KMT2C: variants seen among roughly 807,000 people sequenced by gnomAD.
KMT2C encodes the protein histone-lysine N-methyltransferase 2C.
KMT2C carries 88 observed loss-of-function variants against 507.9 expected under a neutral mutation model. That is an observed-to-expected ratio of 0.17 (90% CI 0.15 to 0.21). The LOEUF is 0.21. Among genes scored for constraint, KMT2C ranks in the 10% least tolerant of loss-of-function variants. The pLI is 1.00. For synonymous variants in KMT2C, 2,049 were observed against 2,080.8 expected, an observed-to-expected ratio of 0.98 and a Z score of 0.42; for missense variants, 4,954 against 5,957.8, an observed-to-expected ratio of 0.83 and a Z score of 5.55.
chr7:152,367,922 A>C (rs2097260584), intron 1 of KMT2C: 1 of 1,015,978 alleles, frequency 9.8e-7, no homozygotes, highest in Non-Finnish European at 1.6e-6. Flanking sequence ...TTATCATCCA[A>C]CTTATTGCCA....
intron 1 of KMT2C, among the ~76,000 whole-genome samples, chr7:152,360,671 T>C (rs896165503): frequency 6.6e-6 from 1 of 150,778 alleles, no homozygotes; most frequent in African/African-American, 2.4e-5. Context: ...CCGTCACTAC[T>C]AAAAAAAATA....
intron 1 of KMT2C, among the ~76,000 whole-genome samples, chr7:152,431,471 C>T (rs2097861836): frequency 6.6e-6 from 1 of 151,890 alleles, no homozygotes; most frequent in African/African-American, 2.4e-5. Context: ...GTAGTACGTG[C>T]CTGCAGTCCC....
At chr7:152,398,240 G>A (rs6951817) in intron 1 of KMT2C, among the ~76,000 whole-genome samples, 1 of 152,090 alleles carries the variant, frequency 6.6e-6, no homozygotes, top group Non-Finnish European at 1.5e-5. Flanking sequence ...TGGTCTCTCT[G>A]GTTCACCACT....
At chr7:152,351,252 C>T (rs562978199) in intron 2 of KMT2C, among the ~76,000 whole-genome samples, 9 of 152,200 alleles carry the variant, frequency 5.9e-5, no homozygotes, top group African/African-American at 2.2e-4. Context: ...CACTTATTAT[C>T]AAGAGTTATG....
intron 2 of KMT2C, among the ~76,000 whole-genome samples, chr7:152,335,444 C>T (rs1297748402): frequency 6.6e-6 from 1 of 152,124 alleles, no homozygotes. Flanking sequence ...CAGAAACTTA[C>T]CAACAATGAG....
At chr7:152,348,468 A>G (rs1353005603) in intron 2 of KMT2C, among the ~76,000 whole-genome samples, 1 of 151,814 alleles carries the variant, frequency 6.6e-6, no homozygotes, top group East Asian at 1.9e-4. Context: ...GCATGGTGGC[A>G]GGTGCCTGTA....
chr7:152,324,116 AC>A (rs1169174719), intron 3 of KMT2C, among the ~76,000 whole-genome samples: 1 of 151,700 alleles, frequency 6.6e-6, no homozygotes, highest in Non-Finnish European at 1.5e-5. Flanking sequence ...GAGATATACT[AC>A]ATAGTAGGGT....
chr7:152,429,727 G>T (rs1589998099), intron 1 of KMT2C, among the ~76,000 whole-genome samples: 1 of 151,250 alleles, frequency 6.6e-6, no homozygotes, highest in African/African-American at 2.4e-5. Context: ...CACCATATTG[G>T]CCAGGCTGGT....
chr7:152,171,176 C>G lies in KMT2C; in HGVS notation c.9453+88G>C, dbSNP rs879192436. The G allele has an allele frequency of 6.1e-6, 5 of 824,954 alleles. No homozygotes were observed. The African/African-American group carries it at 8.7e-5, about 14-fold the overall frequency. 51.1% of individuals were successfully genotyped at this position (824,954 alleles called of 1,614,324 possible). ...ACTTCTGCACAAACCTAGTACTACTCTCTAGCAGGGGACTTACTCTAAAGC... is the reference window on the plus strand; with the variant it reads ...ACTTCTGCACAAACCTAGTACTACTGTCTAGCAGGGGACTTACTCTAAAGC... On this transcript the variant is annotated intron_variant, in intron 40 of 58. Transcript: ENST00000262189.
At chr7:152,140,569 A>G (rs1483242018) in intron 55 of KMT2C, among the ~76,000 whole-genome samples, 2 of 152,208 alleles carry the variant, frequency 1.3e-5, no homozygotes, top group Admixed American at 1.3e-4. Flanking sequence ...TTTTGCACTT[A>G]ATTCTGACTA....
In KMT2C at chr7:152,181,875, T is replaced by G. The variant is rs1218552075; in HGVS notation, c.5985A>C (p.Ala1995=). The change falls in exon 36 of 59, where the codon GCA becomes GCC. Residue 1995 remains alanine (A), a synonymous_variant. Transcript: ENST00000262189. ...SRSPVVSEQT[A]KGPIAAGTSD... ...TGGTTCCAGCTGCTATAGGGCCTTT[T>G]GCAGTTTGTTCTGAAACTACAGGAG... is the stretch of plus-strand genomic sequence containing the variant. 4 of 1,614,098 alleles carry G rather than the reference T, an allele frequency of 2.5e-6. No homozygotes were observed. In the Admixed American group the frequency reaches 5.0e-5, roughly 20 times the overall value.
chr7:152,253,512 T>C (rs1217213122), intron 9 of KMT2C, among the ~76,000 whole-genome samples: 3 of 13,216 alleles, frequency 2.3e-4, no homozygotes, highest in African/African-American at 7.6e-4. Flanking sequence ...CCTCTTTCTC[T>C]ACAAAAAAAA....
chr7:152,298,628 G>C (rs980763863), intron 6 of KMT2C, among the ~76,000 whole-genome samples: 3 of 152,278 alleles, frequency 2.0e-5, no homozygotes, highest in Admixed American at 6.5e-5. Context: ...GACTTTCACT[G>C]CAAGAAATGT....
chr7:152,194,488 G>A lies in KMT2C; in HGVS notation c.4459C>T (p.Gln1487Ter), dbSNP rs752597645. 6.2e-7 allele frequency: 1 copy of A among 1,613,232 alleles called. No homozygotes were observed. Among genetic ancestry groups the A allele is most frequent in the South Asian group, 1.1e-5 (1 of 91,040 alleles). ...NQSSRPLSEE[Q>*]LDGILSPELD... Reference sequence around the variant, plus strand: ...TCAGGACTGAGGATCCCATCTAGCTGTTCTTCACTTAATGGTCGTGAACTC... The same window carrying A: ...TCAGGACTGAGGATCCCATCTAGCTATTCTTCACTTAATGGTCGTGAACTC... Residue 1487 changes from glutamine to a stop codon, truncating the protein, a stop_gained, in exon 29 of 59, where the codon CAG becomes TAG. Coordinates refer to ENST00000262189, the MANE Select transcript of KMT2C (RefSeq NM_170606.3). LOFTEE classifies it high-confidence loss of function.
chr7:152,284,096 T>C (rs1395506610), intron 6 of KMT2C, among the ~76,000 whole-genome samples: 1 of 152,176 alleles, frequency 6.6e-6, no homozygotes, highest in Non-Finnish European at 1.5e-5. Flanking sequence ...TTTTCAGTTA[T>C]AGGAAAGATG....
rs769576763 is a variant in KMT2C at position 152,248,518 on chromosome 7, C to T, written c.1916G>A (p.Gly639Asp). 3.1e-6 allele frequency: 5 copies of T among 1,613,922 alleles called. No individual in the cohort carries two copies. Among genetic ancestry groups the T allele is most frequent in the South Asian group, 1.1e-5 (1 of 91,078 alleles). The part of the protein sequence containing the change: ...KMSSEVKHIC[G>D]EDQIEDKMEV... ...CATTTTATCTTCAATTTGATCTTCGCCACAAATATGCTTCACTTCAGAAGA... is the reference window on the plus strand; with the variant it reads ...CATTTTATCTTCAATTTGATCTTCGTCACAAATATGCTTCACTTCAGAAGA... Residue 639 changes from glycine (G) to aspartate (D), a missense_variant, in exon 14 of 59, where the codon GGC (glycine) becomes GAC (aspartate). Gly to Asp is a moderately conservative substitution (Grantham distance 94, BLOSUM62 -1). Transcript: ENST00000262189.
In KMT2C at chr7:152,347,671, A is replaced by C. The variant is rs1589347930; in HGVS notation, c.250+10916T>G. Among the ~76,000 whole-genome samples, 2 of 152,214 alleles carry C rather than the reference A, an allele frequency of 1.3e-5. 1 individual carries two copies. The highest frequency in any genetic ancestry group is 3.9e-4 in the East Asian group (2 of 5,188). ...CTCAATTGCCAATGGTACCACATAC[A>C]GTCTTTAAGTGTGTGCTTAAGTTTT... On this transcript the variant is annotated intron_variant, in intron 2 of 58. Coordinates refer to ENST00000262189, the MANE Select transcript of KMT2C (RefSeq NM_170606.3).
At chr7:152,434,665 A>G (rs1346328045) in intron 1 of KMT2C, among the ~76,000 whole-genome samples, 1 of 152,188 alleles carries the variant, frequency 6.6e-6, no homozygotes, top group African/African-American at 2.4e-5. Flanking sequence ...GGCACACGCG[A>G]GAGCCACAGA....
intron 42 of KMT2C, 87 bp downstream of exon 42, chr7:152,167,059 A>G: frequency 9.3e-7 from 1 of 1,070,468 alleles, no homozygotes; most frequent in Admixed American, 2.2e-5. Flanking sequence ...AAAAAAAATC[A>G]CTAGTCAAAG....
Sources: gnomAD v4.1 joint callset for allele counts (sites outside exome capture counted in the v4.1 genomes callset) on GRCh38, gnomAD v4.1.1 for gene constraint, MANE v1.5 for transcripts, NCBI Gene and HGNC (gene_info 2026-07-23, HGNC 2026-07-21) for gene names.